Variants in FLT4 observed in about 807,000 individuals in gnomAD.
The protein encoded by FLT4 is fms related receptor tyrosine kinase 4.
A neutral mutation model predicts 163.2 loss-of-function variants in FLT4; 30 were observed. That is an observed-to-expected ratio of 0.18 (90% confidence interval 0.14 to 0.25). The LOEUF is 0.25. Among genes scored for constraint, FLT4 ranks in the 10% least tolerant of loss-of-function variants. FLT4 has a pLI of 1.00. For synonymous variants in FLT4, 884 were observed against 789.5 expected, an observed-to-expected ratio of 1.12 and a Z score of -2.01; for missense variants, 1,510 against 1,863.8, an observed-to-expected ratio of 0.81 and a Z score of 3.50.
In FLT4 at chr5:180,613,618, C is replaced by T. The variant is rs912502392; in HGVS notation, c.3331+450G>A. 7 of 297,348 alleles carry T rather than the reference C, an allele frequency of 2.4e-5. No individual in the cohort carries two copies. The East Asian group carries it at 2.4e-4, about 10-fold the overall frequency. The allele number at this position is 297,348 out of a possible 1,614,324, so 18.4% of individuals were successfully genotyped here. ...CACGCCTCCTACACTCTTCCTGCTC[C>T]TTTAGTTTCCGCAGTAGCGTGGATC... On this transcript the variant is annotated intron_variant, in intron 24 of 29. Transcript: ENST00000261937.
chr5:180,631,515 C>T (rs1764158292), intron 2 of FLT4, among the ~76,000 whole-genome samples, 167 bp downstream of exon 2: 1 of 151,956 alleles, frequency 6.6e-6, no homozygotes, highest in Non-Finnish European at 1.5e-5. Context: ...GTGGTTGAGG[C>T]TGGGGAGGAC....
At chr5:180,640,362 T>C (rs1436056858) in intron 1 of FLT4, among the ~76,000 whole-genome samples, 2 of 152,164 alleles carry the variant, frequency 1.3e-5, no homozygotes, top group African/African-American at 4.8e-5. Flanking sequence ...TGAGTCCAGG[T>C]CGGTCCCTGC....
At chr5:180,611,710 A>C in intron 26 of FLT4, 1 of 597,622 alleles carries the variant, frequency 1.7e-6, no homozygotes, top group Non-Finnish European at 3.0e-6. Context: ...CCATGCGGGC[A>C]CGTGAGTGCT....
chr5:180,631,811 G>C, intron 1 of FLT4, 33 bp from the exon 2 acceptor site: 1 of 1,488,268 alleles, frequency 6.7e-7, no homozygotes, highest in African/African-American at 1.4e-5. Flanking sequence ...CGTGGTGCTG[G>C]GCTGTGACTT....
rs553218891 is a variant in FLT4, at chr5:180,617,051, C to T, written c.3002-57G>A. 6 of 1,291,806 alleles carry T rather than the reference C, an allele frequency of 4.6e-6. No homozygotes were observed. In the East Asian group the frequency reaches 1.2e-4, roughly 25 times the overall value. The allele number at this position is 1,291,806 out of a possible 1,614,324, so 80.0% of individuals were successfully genotyped here. A position where few individuals can be genotyped will look rare whatever the true frequency, so the allele number is the denominator to read the frequency against. ...CGCCTCCTCCGCGGCCTCCATCTAC[C>T]CAGCCCCAGGGAACAGCTAACAAGC... On this transcript the variant is annotated intron_variant, in intron 21 of 29. Transcript: ENST00000261937.
intron 1 of FLT4, among the ~76,000 whole-genome samples, chr5:180,643,915 A>C (rs1163769135): frequency 6.7e-6 from 1 of 150,090 alleles, no homozygotes; most frequent in Admixed American, 6.7e-5. Flanking sequence ...TCCGCCTCCC[A>C]GTTTCAAACA....
Position 180,636,840 on chromosome 5 carries a change from T to G in FLT4, c.59-5062A>C, listed in dbSNP as rs1235888872. ...CCACCCCTTGGTGCCCTCCCGGTGC[T>G]GCCCCGTCCTGGTGCGTGGGGTCCG... On this transcript the variant is annotated intron_variant, in intron 1 of 29. Transcript: ENST00000261937. This position sits in a 1 kb window ranked among gnomAD's most constrained non-coding sequence, Gnocchi z 4.3. Among the ~76,000 whole-genome samples the G allele has an allele frequency of 6.6e-6, 1 of 151,986 alleles. No individual in the cohort carries two copies. The highest frequency in any genetic ancestry group is 1.5e-5 in the Non-Finnish European group (1 of 67,992).
In FLT4 at chr5:180,625,992, C is replaced by T. The variant is rs2127827241; in HGVS notation, c.1298G>A (p.Ser433Asn). The T allele has an allele frequency of 6.2e-7, 1 of 1,612,722 alleles. No individual in the cohort carries two copies. Among genetic ancestry groups the T allele is most frequent in the South Asian group, 1.1e-5 (1 of 91,070 alleles). ...CTGGCGGCTGTGACGCGAGTAGATG[C>T]TGGGGGAGGAGGCCTCCTTCTCATG... ...QIHEKEASSP[S>N]IYSRHSRQAL... Residue 433 changes from serine (S) to asparagine (N), a missense_variant, in exon 10 of 30, where the codon AGC becomes AAC. This residue lies in a region of FLT4 where 878 missense variants were observed against 1,016.7 expected (regional missense o/e 0.86). Coordinates refer to ENST00000261937, the MANE Select transcript of FLT4 (RefSeq NM_182925.5).
intron 24 of FLT4, 171 bp from the exon 25 acceptor site, chr5:180,613,281 G>A (rs1214131632): frequency 1.3e-5 from 7 of 557,578 alleles, no homozygotes; most frequent in Non-Finnish European, 1.9e-5. Flanking sequence ...TGGGACCTGT[G>A]GGCAAGTCGC....
rs368231614 is a variant in FLT4, at chr5:180,623,155, G to T, written c.1549-316C>A. 2.0e-5 allele frequency among the ~76,000 whole-genome samples: 3 copies of T among 152,174 alleles called. No individual in the cohort carries two copies. The highest frequency in any genetic ancestry group is 7.2e-5 in the African/African-American group (3 of 41,436). On this transcript the variant is annotated intron_variant, in intron 11 of 29. Transcript: ENST00000261937. The surrounding 1 kb of genome is among the most constrained non-coding windows in gnomAD (Gnocchi z 5.8). ...CCTCTGGCCGTGGCTATGTTGAGGG[G>T]GCACCAGCGTCAGTGCAAGCCAGGG... is the stretch of plus-strand genomic sequence containing the variant.
chr5:180,626,402 T>G (rs1763616707), intron 8 of FLT4, 137 bp from the exon 9 acceptor site: 1 of 914,464 alleles, frequency 1.1e-6, no homozygotes, highest in South Asian at 1.4e-5. Flanking sequence ...AACACTGGTC[T>G]GCGAGGGGAT....
Position 180,612,608 on chromosome 5 carries a change from G to A in FLT4, c.3435C>T (p.Arg1145=), listed in dbSNP as rs2127794625. 6.2e-7 allele frequency: 1 copy of A among 1,612,330 alleles called. No individual in the cohort carries two copies. Among genetic ancestry groups the A allele is most frequent in the African/African-American group, 1.3e-5 (1 of 75,000 alleles). Reference sequence around the variant, plus strand: ...CGGACCAGCAGTTCAGCATGATGCGGCGTCTGCAGGATCACGTGGGCTGCT... The same window carrying A: ...CGGACCAGCAGTTCAGCATGATGCGACGTCTGCAGGATCACGTGGGCTGCT... ...RAPELATPAI[R]RIMLNCWSGD... Residue 1145 remains arginine, a synonymous_variant, in exon 26 of 30, where the codon CGC becomes CGT. Transcript: ENST00000261937.
intron 23 of FLT4, among the ~76,000 whole-genome samples, chr5:180,614,833 T>C (rs989223993): frequency 2.0e-5 from 3 of 152,082 alleles, no homozygotes; most frequent in Non-Finnish European, 4.4e-5. Flanking sequence ...GGATGGCTCA[T>C]CAAGACCAGG....
At chr5:180,639,560 G>A (rs1764945734) in intron 1 of FLT4, among the ~76,000 whole-genome samples, 1 of 152,132 alleles carries the variant, frequency 6.6e-6, no homozygotes, top group Admixed American at 6.6e-5. Context: ...GGTGAAGCAT[G>A]GATGGGTGGA....
rs149299992 is a variant in FLT4 at position 180,612,521 on chromosome 5, C to A, written c.3522G>T (p.Gln1174His). 1 of 1,613,618 alleles carries A rather than the reference C, an allele frequency of 6.2e-7. No individual in the cohort carries two copies. Among genetic ancestry groups the A allele is most frequent in the Non-Finnish European group, 8.5e-7 (1 of 1,179,574 alleles). The change falls in exon 26 of 30, where the codon CAG becomes CAT. Residue 1174 changes from glutamine to histidine, a missense_variant. This residue lies in a region of FLT4 where 295 missense variants were observed against 311.0 expected (regional missense o/e 0.95). Coordinates refer to ENST00000261937, the MANE Select transcript of FLT4 (RefSeq NM_182925.5). ...AGGGGCTCACTTGCAGGCCCCTGCC[C>A]TGGAGCAGGTCCCCCAGGATCTCCA... ...ELVEILGDLL[Q>H]GRGLQEEEEV...
rs376265493 is a variant in FLT4 at position 180,605,089 on chromosome 5, C to T, written c.3894-1699G>A. Among the ~76,000 whole-genome samples, 111 of 152,344 alleles carry T rather than the reference C, an allele frequency of 7.3e-4. No homozygotes were observed. In the Middle Eastern group the frequency reaches 0.01, roughly 14 times the overall value. On this transcript the variant is annotated intron_variant, in intron 29 of 29. Coordinates refer to ENST00000261937, the MANE Select transcript of FLT4 (RefSeq NM_182925.5). ...AACTCTCCCACCTCAGCCTGCTGAG[C>T]GGCTGCTACCACAGGCATGGGCCAC...
rs931513146 is a variant in FLT4, at chr5:180,636,498, A to AC, written c.59-4721dup. Among the ~76,000 whole-genome samples the AC allele has an allele frequency of 1.7e-4, 16 of 96,864 alleles. No individual in the cohort carries two copies. The highest frequency in any genetic ancestry group is 7.7e-4 in the Admixed American group (7 of 9,072). 63.5% of individuals were successfully genotyped at this position (96,864 alleles called of 152,430 possible). ...CCCCATTAAAGCTGTCATCAGCTGCACCCCCCCGTCACTTCCCCTCATTCT... is the reference window on the plus strand; with the variant it reads ...CCCCATTAAAGCTGTCATCAGCTGCACCCCCCCCGTCACTTCCCCTCATTCT... On this transcript the variant is annotated intron_variant, in intron 1 of 29. Transcript: ENST00000261937. This position sits in a 1 kb window ranked among gnomAD's most constrained non-coding sequence, Gnocchi z 4.3.
At chr5:180,603,854 A>AGATC (rs1210976969) in intron 29 of FLT4, among the ~76,000 whole-genome samples, 1 of 151,680 alleles carries the variant, frequency 6.6e-6, no homozygotes, top group Non-Finnish European at 1.5e-5. Context: ...CAGTGAGCTG[A>AGATC]GATCGCACCA....
intron 26 of FLT4, 76 bp from the exon 27 acceptor site, chr5:180,611,555 C>T: frequency 6.8e-7 from 1 of 1,471,270 alleles, no homozygotes; most frequent in South Asian, 1.3e-5. Flanking sequence ...ACCCTCAGCC[C>T]TCACCCCCGC....
Sources: allele counts gnomAD v4.1 joint callset (sites outside exome capture counted in the v4.1 genomes callset), GRCh38; gene constraint gnomAD v4.1.1; regional missense constraint gnomAD v4.1.1; non-coding constraint Gnocchi (gnomAD v3.1); transcripts MANE v1.5; gene names NCBI Gene and HGNC (gene_info 2026-07-23, HGNC 2026-07-21).